PATJ: variants seen among roughly 807,000 people sequenced by gnomAD.
PATJ encodes the protein PATJ crumbs cell polarity complex component.
A neutral mutation model predicts 224.9 loss-of-function variants in PATJ; 190 were observed. The observed-to-expected ratio is 0.84, with a 90% CI of 0.75 to 0.95. The LOEUF (loss-of-function observed/expected upper bound fraction) is 0.95, where lower values mean the gene tolerates loss of function less well. PATJ is among the 40% of genes least tolerant of loss of function. PATJ has a pLI of 0.00. For missense variants in PATJ, 2,121 were observed against 2,270.3 expected, an observed-to-expected ratio of 0.93 and a Z score of 1.34; for synonymous variants, 769 against 820.3, an observed-to-expected ratio of 0.94 and a Z score of 1.07.
chr1:61,978,390 C>T (rs1156702611), intron 27 of PATJ, among the ~76,000 whole-genome samples: 6 of 151,764 alleles, frequency 4.0e-5, no homozygotes, highest in Admixed American at 6.6e-5. Context: ...CTCAGCCTTC[C>T]GAGTAGCTGG....
intron 22 of PATJ, among the ~76,000 whole-genome samples, chr1:61,897,630 T>C (rs1480066281): frequency 6.6e-6 from 1 of 152,202 alleles, no homozygotes; most frequent in Non-Finnish European, 1.5e-5. Context: ...TGATTCTCCT[T>C]CCTTTTAATG....
At chr1:62,159,075 T>C (rs1669588092) in intron 43 of PATJ, among the ~76,000 whole-genome samples, 2 of 152,246 alleles carry the variant, frequency 1.3e-5, no homozygotes, top group Non-Finnish European at 2.9e-5. Context: ...GCATGTAAAA[T>C]TTAATAAAAT....
chr1:61,812,379 A>AGTGT (rs1557687816), intron 14 of PATJ, among the ~76,000 whole-genome samples: 6 of 111,790 alleles, frequency 5.4e-5, no homozygotes, highest in Admixed American at 8.5e-5. Flanking sequence ...AGAGAGAGAG[A>AGTGT]GAGAGAGAGA....
At chr1:62,032,059 T>C (rs1649420187) in intron 29 of PATJ, among the ~76,000 whole-genome samples, 1 of 152,174 alleles carries the variant, frequency 6.6e-6, no homozygotes, top group South Asian at 2.1e-4. Context: ...CACAGTTGTG[T>C]AGGTCAGAAT....
At chr1:61,939,658 A>G (rs1677472711) in intron 27 of PATJ, among the ~76,000 whole-genome samples, 2 of 142,468 alleles carry the variant, frequency 1.4e-5, no homozygotes, top group East Asian at 4.1e-4. Flanking sequence ...GGCAGCATGT[A>G]TAAAAAGTTT....
At chr1:61,766,524 A>G (rs774448740) in intron 4 of PATJ, 51 bp downstream of exon 4, 1 of 1,298,800 alleles carries the variant, frequency 7.7e-7, no homozygotes, top group Non-Finnish European at 1.1e-6. Context: ...CTCCTGTTTT[A>G]GTTTTACAAA....
At chr1:61,816,733 T>C (rs1656183817) in intron 14 of PATJ, among the ~76,000 whole-genome samples, 1 of 152,202 alleles carries the variant, frequency 6.6e-6, no homozygotes, top group Non-Finnish European at 1.5e-5. Context: ...AGCAATGCTG[T>C]TATCAGTTCT....
At chr1:61,963,994 G>A (rs2149436288) in intron 27 of PATJ, among the ~76,000 whole-genome samples, 1 of 152,202 alleles carries the variant, frequency 6.6e-6, no homozygotes, top group Middle Eastern at 3.4e-3. Context: ...AATATAATGA[G>A]TTCTAGAGGT....
At chr1:62,019,520 A>G (rs79349485) in intron 29 of PATJ, among the ~76,000 whole-genome samples, 1 of 149,180 alleles carries the variant, frequency 6.7e-6, no homozygotes, top group Non-Finnish European at 1.5e-5. Flanking sequence ...CTCTGTCTCA[A>G]AAAAAAAAAG....
At chr1:61,861,428 C>A in intron 18 of PATJ, 123 bp from the exon 19 acceptor site, 1 of 518,670 alleles carries the variant, frequency 1.9e-6, no homozygotes, top group Non-Finnish European at 3.4e-6. Context: ...CTGCACTTAT[C>A]AACCCATCAT....
chr1:62,114,443 A>G (rs1664226431), intron 35 of PATJ, 197 bp downstream of exon 35: 2 of 555,570 alleles, frequency 3.6e-6, no homozygotes, highest in South Asian at 2.3e-5. Flanking sequence ...ATAGAACTCC[A>G]AGTCCAATCA....
intron 33 of PATJ, among the ~76,000 whole-genome samples, chr1:62,093,124 A>G (rs1448620062): frequency 6.6e-6 from 1 of 152,140 alleles, no homozygotes; most frequent in Non-Finnish European, 1.5e-5. Flanking sequence ...AATTTAATTC[A>G]TTCTTATTAA....
chr1:61,812,548 A>G (rs1356975334), intron 14 of PATJ, among the ~76,000 whole-genome samples: 1 of 150,858 alleles, frequency 6.6e-6, no homozygotes, highest in Non-Finnish European at 1.5e-5. Flanking sequence ...GATTTGCTTC[A>G]CTTTTAAGAC....
At chr1:61,922,025 A>G (rs1440789518) in intron 26 of PATJ, among the ~76,000 whole-genome samples, 1 of 152,062 alleles carries the variant, frequency 6.6e-6, no homozygotes, top group South Asian at 2.1e-4. Context: ...AGAATCAGTA[A>G]CTGCTACTTT....
At chr1:62,038,981 C>A in intron 30 of PATJ, 1 of 1,373,174 alleles carries the variant, frequency 7.3e-7, no homozygotes, top group Non-Finnish European at 1.0e-6. Flanking sequence ...TCTGTTCTAG[C>A]CCAACAAGCA....
intron 25 of PATJ, among the ~76,000 whole-genome samples, chr1:61,914,177 C>T (rs1673084529): frequency 6.6e-6 from 1 of 152,132 alleles, no homozygotes; most frequent in African/African-American, 2.4e-5. Flanking sequence ...AATGATAGGC[C>T]AGGCTCAGTG....
intron 37 of PATJ, 166 bp downstream of exon 37, chr1:62,117,384 T>A (rs1427961132): frequency 7.0e-7 from 1 of 1,422,548 alleles, no homozygotes; most frequent in African/African-American, 1.4e-5. Context: ...AAAGGTGGGA[T>A]GGAAATTCAT....
At chr1:62,151,460 A>G (rs949257319) in intron 42 of PATJ, among the ~76,000 whole-genome samples, 8 of 151,902 alleles carry the variant, frequency 5.3e-5, no homozygotes, top group East Asian at 2.0e-4. Flanking sequence ...GAGTGGTGGC[A>G]GGCGCCTGTA....
At chr1:62,095,410 G>T (rs955661180) in intron 33 of PATJ, among the ~76,000 whole-genome samples, 2 of 152,166 alleles carry the variant, frequency 1.3e-5, no homozygotes, top group African/African-American at 2.4e-5. Flanking sequence ...AGGTGGAGAA[G>T]ATAAGTAACT....
Sources: gnomAD v4.1 joint callset for allele counts (sites outside exome capture counted in the v4.1 genomes callset) on GRCh38, gnomAD v4.1.1 for gene constraint, MANE v1.5 for transcripts, NCBI Gene and HGNC (gene_info 2026-07-23, HGNC 2026-07-21) for gene names.